The following LDLRAD3 variants were observed in gnomAD, a reference collection of about 807,000 sequenced individuals.
The protein encoded by LDLRAD3 is low density lipoprotein receptor class A domain containing 3.
LDLRAD3 carries 20 observed loss-of-function variants against 29.4 expected under a neutral mutation model. The ratio of observed to expected loss-of-function variants is 0.68; its 90% confidence interval spans 0.48 to 0.99. The LOEUF is 0.99. LDLRAD3 is among the 50% of genes least tolerant of loss of function. LDLRAD3 has a pLI of 0.00. For synonymous variants in LDLRAD3, 157 were observed against 192.7 expected (o/e 0.81, Z 1.53); for missense variants, 420 against 454.3 (o/e 0.92, Z 0.69).
intron 4 of LDLRAD3, among the ~76,000 whole-genome samples, chr11:36,220,258 T>A (rs1043612722): frequency 6.6e-6 from 1 of 152,182 alleles, no homozygotes; most frequent in Non-Finnish European, 1.5e-5. Flanking sequence ...TGGGAAATGC[T>A]ATAGCAACTT....
rs576692468 is a variant in LDLRAD3 at position 36,223,221 on chromosome 11, C to T, written c.455-3864C>T. On this transcript the variant is annotated intron_variant, in intron 4 of 5. Coordinates refer to ENST00000315571, the MANE Select transcript of LDLRAD3 (RefSeq NM_174902.4). The stretch of plus-strand genomic sequence containing the variant: ...TCAGGCAAATGTGATCGCTGCGTCT[C>T]GCCTGCCAAAGTGAAGAGAGGTCTG... Among the ~76,000 whole-genome samples, 22 of 152,262 alleles carry T rather than the reference C, an allele frequency of 1.4e-4. No individual in the cohort carries two copies. In the South Asian group the frequency reaches 2.3e-3, roughly 16 times the overall value.
rs369220929 is a variant in LDLRAD3, at chr11:36,078,512, C to T, written c.194-3141C>T. On this transcript the variant is annotated intron_variant, in intron 2 of 5. Transcript: ENST00000315571. ...TTGCAATAGTTCCCAGGCTCATCCT[C>T]AACTTTGCTCCATGATCTGAGTGGG... Among the ~76,000 whole-genome samples, 56 of 152,352 alleles carry T rather than the reference C, an allele frequency of 3.7e-4. No individual in the cohort carries two copies. The East Asian group carries it at 4.6e-3, about 13-fold the overall frequency.
At chr11:36,063,240 ACT>A (rs149931740) in intron 2 of LDLRAD3, among the ~76,000 whole-genome samples, 4,488 of 152,126 alleles carry the variant, frequency 0.03, 74 homozygotes, top group Middle Eastern at 0.048. Flanking sequence ...GAAAAAAGCA[ACT>A]CTTTCATTTC....
chr11:35,987,864 A>G lies in LDLRAD3; in HGVS notation c.46+43720A>G, dbSNP rs117211094. ...CCAAACTGCTTTTCACAGTGGCTGAACTAGTTTACATTCCCATCAACTGTG... is the reference window on the plus strand; with the variant it reads ...CCAAACTGCTTTTCACAGTGGCTGAGCTAGTTTACATTCCCATCAACTGTG... On this transcript the variant is annotated intron_variant, in intron 1 of 5. Coordinates refer to ENST00000315571, the MANE Select transcript of LDLRAD3 (RefSeq NM_174902.4). Among the ~76,000 whole-genome samples the G allele has an allele frequency of 2.2e-3, 333 of 152,308 alleles. 3 individuals carry two copies. The highest frequency in any genetic ancestry group is 4.0e-3 in the Non-Finnish European group (271 of 68,038).
intron 4 of LDLRAD3, among the ~76,000 whole-genome samples, chr11:36,198,920 A>C (rs1003251593): frequency 6.6e-6 from 1 of 150,760 alleles, no homozygotes; most frequent in African/African-American, 2.4e-5. Context: ...TTTTTTTTGG[A>C]GATGGAGTCT....
chr11:36,158,820 G>T (rs959377146), intron 4 of LDLRAD3, among the ~76,000 whole-genome samples: 5 of 152,018 alleles, frequency 3.3e-5, no homozygotes, highest in Admixed American at 3.3e-4. Flanking sequence ...CGTAATAATT[G>T]TACATATTTA....
At chr11:36,057,312 C>G (rs1171301176) in intron 2 of LDLRAD3, among the ~76,000 whole-genome samples, 1 of 150,802 alleles carries the variant, frequency 6.6e-6, no homozygotes, top group Non-Finnish European at 1.5e-5. Context: ...CCACTTGTAT[C>G]CTGTTTCGCC....
chr11:36,164,444 TG>T (rs1356923036), intron 4 of LDLRAD3, among the ~76,000 whole-genome samples: 2 of 152,262 alleles, frequency 1.3e-5, no homozygotes, highest in African/African-American at 4.8e-5. Context: ...ACAGATGGCT[TG>T]CTTCAAAATT....
chr11:36,016,654 C>A (rs1779995712), intron 1 of LDLRAD3, among the ~76,000 whole-genome samples: 1 of 152,170 alleles, frequency 6.6e-6, no homozygotes, highest in Non-Finnish European at 1.5e-5. Flanking sequence ...AGAAAATATA[C>A]CCACATTCTA....
chr11:36,138,906 C>T (rs1854039727), intron 4 of LDLRAD3, among the ~76,000 whole-genome samples: 1 of 152,216 alleles, frequency 6.6e-6, no homozygotes, highest in African/African-American at 2.4e-5. Context: ...TAATAGGGAA[C>T]CTGACTGTTT....
At chr11:36,077,043 G>T (rs1419719480) in intron 2 of LDLRAD3, among the ~76,000 whole-genome samples, 1 of 152,062 alleles carries the variant, frequency 6.6e-6, no homozygotes, top group Non-Finnish European at 1.5e-5. Flanking sequence ...TATTTTTGGG[G>T]TATATAAAAT....
chr11:36,147,072 G>A (rs1360932788), intron 4 of LDLRAD3, among the ~76,000 whole-genome samples: 2 of 138,198 alleles, frequency 1.4e-5, no homozygotes, highest in Non-Finnish European at 3.1e-5. Context: ...ACAGGCGTTA[G>A]CCACCATGAC....
At chr11:36,210,770 A>AT (rs1437067245) in intron 4 of LDLRAD3, among the ~76,000 whole-genome samples, 1 of 152,188 alleles carries the variant, frequency 6.6e-6, no homozygotes, top group Non-Finnish European at 1.5e-5. Flanking sequence ...GAACAGATAG[A>AT]TTTTTAACTG....
chr11:36,123,502 G>A (rs1258703865), intron 4 of LDLRAD3, among the ~76,000 whole-genome samples: 1 of 152,224 alleles, frequency 6.6e-6, no homozygotes, highest in Non-Finnish European at 1.5e-5. Context: ...TTAAGCATCT[G>A]CTCATTTGTC....
chr11:36,206,689 G>A (rs189600567), intron 4 of LDLRAD3, among the ~76,000 whole-genome samples: 20 of 151,106 alleles, frequency 1.3e-4, no homozygotes, highest in African/African-American at 4.4e-4. Context: ...TGATTTACCT[G>A]TACAGCCCTG....
chr11:36,076,510 T>A (rs1240947731), intron 2 of LDLRAD3, among the ~76,000 whole-genome samples: 1 of 152,006 alleles, frequency 6.6e-6, no homozygotes, highest in Non-Finnish European at 1.5e-5. Flanking sequence ...CTCAGCCTCC[T>A]GAGTGGCTGG....
chr11:36,146,960 T>C (rs1854203911), intron 4 of LDLRAD3, among the ~76,000 whole-genome samples: 1 of 151,724 alleles, frequency 6.6e-6, no homozygotes, highest in African/African-American at 2.4e-5. Context: ...CAGCTAATTT[T>C]TGTATTTTTA....
At chr11:36,061,106 C>T (rs7116795) in intron 2 of LDLRAD3, among the ~76,000 whole-genome samples, 14,292 of 152,136 alleles carry the variant, frequency 0.094, 878 homozygotes, top group Admixed American at 0.15. Context: ...AGAGTGTCTT[C>T]TTCCTCTTCC....
chr11:36,064,116 T>C (rs1352889699), intron 2 of LDLRAD3, among the ~76,000 whole-genome samples: 4 of 152,206 alleles, frequency 2.6e-5, no homozygotes, highest in African/African-American at 9.6e-5. Context: ...AGTGTACAAG[T>C]CTTACACTTC....
Sources: gnomAD v4.1 joint callset for allele counts (sites outside exome capture counted in the v4.1 genomes callset) on GRCh38, gnomAD v4.1.1 for gene constraint, MANE v1.5 for transcripts, NCBI Gene and HGNC (gene_info 2026-07-23, HGNC 2026-07-21) for gene names.